MAD1L1: variants seen among roughly 807,000 people sequenced by gnomAD.
MAD1L1 encodes the protein mitotic spindle assembly checkpoint protein MAD1.
A neutral mutation model predicts 96.9 loss-of-function variants in MAD1L1; 95 were observed. The observed-to-expected ratio is 0.98, with a 90% CI of 0.83 to 1.16. The LOEUF is 1.16. MAD1L1 is among the 50% of genes most tolerant of loss of function. The probability of loss-of-function intolerance (pLI) is 0.00; values close to 1 mark genes in which losing one functional copy is unlikely to be tolerated. For missense variants in MAD1L1, 1,007 were observed against 954.4 expected, an observed-to-expected ratio of 1.06 and a Z score of -0.73; for synonymous variants, 473 against 396.6, an observed-to-expected ratio of 1.19 and a Z score of -2.29.
intron 18 of MAD1L1, among the ~76,000 whole-genome samples, chr7:1,828,247 G>A (rs868735481): frequency 6.6e-6 from 1 of 152,208 alleles, no homozygotes; most frequent in Non-Finnish European, 1.5e-5. Context: ...TTTCAGTCAG[G>A]AAGGGTGGCG....
chr7:2,051,810 C>G (rs1424797799), intron 12 of MAD1L1, among the ~76,000 whole-genome samples: 1 of 150,868 alleles, frequency 6.6e-6, no homozygotes, highest in Non-Finnish European at 1.5e-5. Context: ...ACCCCCCAAC[C>G]CCATCCCCCA....
At chr7:1,871,215 C>G (rs1397774087) in intron 18 of MAD1L1, among the ~76,000 whole-genome samples, 23 of 145,252 alleles carry the variant, frequency 1.6e-4, no homozygotes, top group Admixed American at 3.4e-4. Flanking sequence ...CACCGTAACA[C>G]CTGCCACGCT....
In MAD1L1 at chr7:2,000,764, G is replaced by C. The variant is rs144686321; in HGVS notation, c.1416+1301C>G. On this transcript the variant is annotated intron_variant, in intron 14 of 18. Coordinates refer to ENST00000265854, the MANE Select transcript of MAD1L1 (RefSeq NM_001013836.2). ...AGAAGAATGTCCTTAAGCAGCTGCT[G>C]AGTGAACAGCGACCATTCCAGAGGC... 2.0e-3 allele frequency among the ~76,000 whole-genome samples: 307 copies of C among 152,348 alleles called. 2 individuals carry two copies. Among genetic ancestry groups the C allele is most frequent in the Admixed American group, 3.1e-3 (48 of 15,302 alleles).
Position 2,142,725 on chromosome 7 carries a change from G to A in MAD1L1, c.1073+6427C>T, listed in dbSNP as rs957010852. Among the ~76,000 whole-genome samples the A allele has an allele frequency of 9.8e-5, 15 of 152,324 alleles. No individual in the cohort carries two copies. The highest frequency in any genetic ancestry group is 1.9e-4 in the East Asian group (1 of 5,188). On this transcript the variant is annotated intron_variant, in intron 11 of 18. Coordinates refer to ENST00000265854, the MANE Select transcript of MAD1L1 (RefSeq NM_001013836.2). The surrounding 1 kb of genome is among the most constrained non-coding windows in gnomAD (Gnocchi z 4.7). Reference sequence around the variant, plus strand: ...CGAGTGGCGCCAAAGCCGAACGGACGCAACAAGGCCTCTGGCCATGTCAAA... The same window carrying A: ...CGAGTGGCGCCAAAGCCGAACGGACACAACAAGGCCTCTGGCCATGTCAAA...
Position 2,146,151 on chromosome 7 carries a change from G to A in MAD1L1, c.1073+3001C>T, listed in dbSNP as rs554923986. On this transcript the variant is annotated intron_variant, in intron 11 of 18. Transcript: ENST00000265854. This position sits in a 1 kb window ranked among gnomAD's most constrained non-coding sequence, Gnocchi z 6.2. Reference sequence around the variant, plus strand: ...AAACAGGCACACGAATGACCCAGCCGTCACTTCAGAAGCTCGGCCTGAGGC... The same window carrying A: ...AAACAGGCACACGAATGACCCAGCCATCACTTCAGAAGCTCGGCCTGAGGC... 4.7e-4 allele frequency among the ~76,000 whole-genome samples: 72 copies of A among 152,338 alleles called. No individual in the cohort carries two copies. Among genetic ancestry groups the A allele is most frequent in the South Asian group, 1.5e-3 (7 of 4,822 alleles).
intron 5 of MAD1L1, among the ~76,000 whole-genome samples, chr7:2,221,690 G>C (rs918495092): frequency 3.3e-5 from 5 of 152,218 alleles, no homozygotes; most frequent in Non-Finnish European, 7.3e-5. Context: ...CTCCAGTTCA[G>C]AGGCAATTAT....
At chr7:1,990,301 G>T (rs1354604004) in intron 14 of MAD1L1, among the ~76,000 whole-genome samples, 3 of 152,196 alleles carry the variant, frequency 2.0e-5, no homozygotes, top group Non-Finnish European at 4.4e-5. Context: ...AGAGGGTGCT[G>T]AGGTCACAGC....
chr7:1,845,737 G>A (rs539926795), intron 18 of MAD1L1: 57 of 152,642 alleles, frequency 3.7e-4, no homozygotes, highest in African/African-American at 1.3e-3. Flanking sequence ...GCAGACACGC[G>A]TCGGGTTCCG....
chr7:1,927,229 TAAG>T (rs572399665), intron 17 of MAD1L1, among the ~76,000 whole-genome samples: 29 of 152,096 alleles, frequency 1.9e-4, no homozygotes, highest in African/African-American at 6.3e-4. Context: ...TGAAAGAAAA[TAAG>T]AAGAACGTAA....
intron 16 of MAD1L1, among the ~76,000 whole-genome samples, chr7:1,939,813 C>T (rs1448429457): frequency 6.6e-6 from 1 of 150,678 alleles, no homozygotes; most frequent in Non-Finnish European, 1.5e-5. Context: ...CCACTGCTCT[C>T]CAAGTCCCCG....
intron 18 of MAD1L1, among the ~76,000 whole-genome samples, chr7:1,824,751 A>AT (rs372109332): frequency 1.2e-4 from 18 of 151,518 alleles, no homozygotes; most frequent in East Asian, 3.9e-4. Context: ...CGAAGGGGAG[A>AT]TTTTTTTTTG....
intron 11 of MAD1L1, among the ~76,000 whole-genome samples, chr7:2,116,705 C>A (rs988155757): frequency 6.6e-6 from 1 of 152,146 alleles, no homozygotes; most frequent in Non-Finnish European, 1.5e-5. Context: ...AGAGAAGAAG[C>A]CTGAGGAAGA....
chr7:1,952,713 G>T (rs1394530493), intron 16 of MAD1L1, among the ~76,000 whole-genome samples: 1 of 152,180 alleles, frequency 6.6e-6, no homozygotes, highest in Admixed American at 6.5e-5. Flanking sequence ...CCTCACAAAG[G>T]AGGCCCTCAG....
intron 10 of MAD1L1, among the ~76,000 whole-genome samples, chr7:2,208,836 C>T (rs1426389024): frequency 2.6e-5 from 4 of 152,138 alleles, no homozygotes; most frequent in East Asian, 1.9e-4. Context: ...TGCTGGCCTC[C>T]GCTTTCCTCA....
At chr7:1,982,474 G>C (rs897478704) in intron 14 of MAD1L1, among the ~76,000 whole-genome samples, 2 of 152,266 alleles carry the variant, frequency 1.3e-5, no homozygotes, top group Non-Finnish European at 2.9e-5. Context: ...CTCCCAGAGT[G>C]CTGGGATTAC....
At chr7:1,897,080 C>T (rs1786921956) in intron 18 of MAD1L1, among the ~76,000 whole-genome samples, 1 of 151,302 alleles carries the variant, frequency 6.6e-6, no homozygotes, top group Non-Finnish European at 1.5e-5. Context: ...ACAAGGAACG[C>T]AGAGCAAGCC....
chr7:2,204,982 G>A (rs1040317399), intron 10 of MAD1L1, among the ~76,000 whole-genome samples: 1 of 151,854 alleles, frequency 6.6e-6, no homozygotes, highest in Non-Finnish European at 1.5e-5. Context: ...GGTGCCCAGT[G>A]GTATCTCACT....
chr7:1,994,221 G>A (rs904200161), intron 14 of MAD1L1, among the ~76,000 whole-genome samples: 1 of 152,206 alleles, frequency 6.6e-6, no homozygotes, highest in African/African-American at 2.4e-5. Context: ...ACGTGCCACC[G>A]CCACACCCAG....
intron 11 of MAD1L1, among the ~76,000 whole-genome samples, chr7:2,113,847 A>C (rs1183896159): frequency 6.6e-6 from 1 of 152,212 alleles, no homozygotes; most frequent in African/African-American, 2.4e-5. Flanking sequence ...GCTCCAACTG[A>C]GGAACATCCA....
Sources: gnomAD v4.1 joint callset for allele counts (sites outside exome capture counted in the v4.1 genomes callset) on GRCh38, gnomAD v4.1.1 for gene constraint, Gnocchi (gnomAD v3.1) non-coding constraint, MANE v1.5 for transcripts, NCBI Gene and HGNC (gene_info 2026-07-23, HGNC 2026-07-21) for gene names.